The following SRP72 variants were observed in gnomAD, a reference collection of about 807,000 sequenced individuals.
The protein encoded by SRP72 is signal recognition particle 72, also known as signal recognition particle subunit SRP72.
Under a neutral mutation model 96.3 loss-of-function variants are expected in SRP72, and 49 were observed. That is an observed-to-expected ratio of 0.51 (90% CI 0.40 to 0.65). The LOEUF is 0.65. SRP72 is among the 30% of genes least tolerant of loss of function. The pLI is 0.00. For missense variants in SRP72, 736 were observed against 793.3 expected (o/e 0.93, Z 0.87); for synonymous variants, 267 against 275.2 (o/e 0.97, Z 0.30).
At chr4:56,473,766 A>C (rs1720085225) in intron 3 of SRP72, among the ~76,000 whole-genome samples, 1 of 131,334 alleles carries the variant, frequency 7.6e-6, no homozygotes, top group Admixed American at 7.4e-5. Flanking sequence ...ACTCCGTCTC[A>C]AAAAAAAAAG....
chr4:56,496,474 A>T (rs191002911), intron 17 of SRP72, among the ~76,000 whole-genome samples: 6 of 152,320 alleles, frequency 3.9e-5, no homozygotes, highest in African/African-American at 1.4e-4. Flanking sequence ...GAAAATTGGC[A>T]AACATTTAAT....
intron 11 of SRP72, among the ~76,000 whole-genome samples, chr4:56,487,115 A>G (rs1720738122): frequency 6.6e-6 from 1 of 152,208 alleles, no homozygotes; most frequent in East Asian, 1.9e-4. Context: ...TCATCACAAA[A>G]AGTTCTGTCG....
chr4:56,482,928 A>T (rs577339414), intron 8 of SRP72, among the ~76,000 whole-genome samples: 1 of 152,222 alleles, frequency 6.6e-6, no homozygotes, highest in Non-Finnish European at 1.5e-5. Context: ...CTATATGTAC[A>T]TGAGTAGATT....
At position 56,489,439 on chromosome 4, in the gene SRP72, A is replaced by C. The variant is rs780222966; in HGVS notation, c.1276A>C (p.Ile426Leu). Residue 426 changes from isoleucine (I) to leucine (L), a missense_variant, in exon 13 of 19, where the codon ATT (isoleucine) becomes CTT (leucine). By Grantham distance (5) the Ile-to-Leu change is conservative. Transcript: ENST00000642900. ...CCATGAAGAAGATATTGATAGTGCC[A>C]TTGAGGTCTTCACACAAGCTATCCA... ...YSHEEDIDSA[I>L]EVFTQAIQWY... 1 of 1,602,926 alleles carries C rather than the reference A, an allele frequency of 6.2e-7. No homozygotes were observed. Among genetic ancestry groups the C allele is most frequent in the South Asian group, 1.1e-5 (1 of 89,868 alleles).
intron 2 of SRP72, among the ~76,000 whole-genome samples, 179 bp downstream of exon 2, chr4:56,469,952 G>A (rs892424798): frequency 8.0e-6 from 1 of 125,716 alleles, no homozygotes; most frequent in African/African-American, 3.0e-5. Context: ...AGTAACTTCT[G>A]TTTTTTTCAG....
intron 17 of SRP72, among the ~76,000 whole-genome samples, chr4:56,497,897 T>C (rs1721132634): frequency 6.6e-6 from 1 of 152,220 alleles, no homozygotes; most frequent in Admixed American, 6.5e-5. Flanking sequence ...TTTACCCTTC[T>C]CATTTTTAAT....
chr4:56,476,794 A>G, intron 6 of SRP72, 92 bp downstream of exon 6: 1 of 1,313,656 alleles, frequency 7.6e-7, no homozygotes, highest in South Asian at 1.3e-5. Flanking sequence ...GACTTTTTTT[A>G]GAAGATGGCA....
chr4:56,492,828 C>T (rs951959306), intron 16 of SRP72, among the ~76,000 whole-genome samples: 12 of 152,072 alleles, frequency 7.9e-5, no homozygotes, highest in African/African-American at 2.9e-4. Flanking sequence ...CTACTAAGGA[C>T]ACGCAGTTCC....
At chr4:56,471,946 A>G in intron 3 of SRP72, 103 bp downstream of exon 3, 1 of 1,398,014 alleles carries the variant, frequency 7.2e-7, no homozygotes, top group East Asian at 2.4e-5. Context: ...CTGATGCTCC[A>G]CAAAACTGAC....
intron 16 of SRP72, among the ~76,000 whole-genome samples, chr4:56,492,088 C>T (rs12505767): frequency 0.2 from 30,091 of 152,222 alleles, 3,348 homozygotes; most frequent in Admixed American, 0.35. Flanking sequence ...ATCTGCCCAC[C>T]TCGGCCTCCC....
intron 5 of SRP72, chr4:56,475,561 CA>C (rs1180420128): frequency 0.22 from 23,077 of 103,164 alleles, 2,361 homozygotes; most frequent in East Asian, 0.5. Flanking sequence ...GACGCTGTCT[CA>C]AAAAAAAAAA....
At chr4:56,496,515 GA>G (rs746599948) in intron 17 of SRP72, among the ~76,000 whole-genome samples, 1 of 152,162 alleles carries the variant, frequency 6.6e-6, no homozygotes, top group Non-Finnish European at 1.5e-5. Context: ...ATACTGCAAG[GA>G]AACAGCTGAT....
chr4:56,474,010 C>T, intron 3 of SRP72, 44 bp from the exon 4 acceptor site: 1 of 1,581,720 alleles, frequency 6.3e-7, no homozygotes, highest in Non-Finnish European at 8.6e-7. Context: ...AAAGACATAA[C>T]ACCATATTTG....
chr4:56,475,940 C>T (rs1486545645), intron 5 of SRP72: 1 of 152,060 alleles, frequency 6.6e-6, no homozygotes, highest in Non-Finnish European at 1.5e-5. Flanking sequence ...AAAGGATTGG[C>T]TAAATTTTAC....
At chr4:56,494,241 C>G (rs1296704102) in intron 16 of SRP72, among the ~76,000 whole-genome samples, 1 of 152,088 alleles carries the variant, frequency 6.6e-6, no homozygotes, top group Admixed American at 6.6e-5. Context: ...TTGGGGTATC[C>G]TGAGAGAACG....
chr4:56,488,117 G>A, intron 12 of SRP72, 104 bp downstream of exon 12: 2 of 704,700 alleles, frequency 2.8e-6, no homozygotes, highest in Non-Finnish European at 4.6e-6. Context: ...TCACTTTAAG[G>A]TAGGAGTAGT....
rs1720835704 is a variant in SRP72 at position 56,489,560 on chromosome 4, C to T, written c.1320+77C>T. 4.9e-6 allele frequency: 4 copies of T among 810,264 alleles called. No homozygotes were observed. In the African/African-American group the frequency reaches 5.1e-5, roughly 10 times the overall value. 50.2% of individuals were successfully genotyped at this position (810,264 alleles called of 1,614,324 possible). On this transcript the variant is annotated intron_variant, in intron 13 of 18. Transcript: ENST00000642900. The stretch of plus-strand genomic sequence containing the variant: ...AGATGGAGTAGTGAAAAAATTCAGG[C>T]AAACAAGTATTACACGTCACTATTT...
intron 3 of SRP72, among the ~76,000 whole-genome samples, chr4:56,473,245 G>A (rs1720050503): frequency 6.6e-6 from 1 of 151,978 alleles, no homozygotes. Context: ...GGATCATGAG[G>A]TCAGGAGATC....
chr4:56,477,620 G>A (rs1720299969), intron 6 of SRP72, among the ~76,000 whole-genome samples: 1 of 152,026 alleles, frequency 6.6e-6, no homozygotes, highest in Admixed American at 6.6e-5. Context: ...ATATTTTTAA[G>A]TTTTATCATT....
Sources: allele counts gnomAD v4.1 joint callset (sites outside exome capture counted in the v4.1 genomes callset), GRCh38; gene constraint gnomAD v4.1.1; transcripts MANE v1.5; gene names NCBI Gene and HGNC (gene_info 2026-07-23, HGNC 2026-07-21).